ZNRF1: variants seen among roughly 807,000 people sequenced by gnomAD.
ZNRF1 encodes the protein zinc and ring finger 1, also known as E3 ubiquitin-protein ligase ZNRF1.
In ZNRF1, 3 loss-of-function variants were observed where a neutral mutation model predicts 18.4. That is an observed-to-expected ratio of 0.16 (90% CI 0.07 to 0.42). ZNRF1 has a LOEUF of 0.42. Ranked by LOEUF, ZNRF1 falls within the 10% of genes least tolerant of loss-of-function variation. The pLI, the probability that ZNRF1 is intolerant of heterozygous loss-of-function variation, is 0.99. For synonymous variants in ZNRF1, 157 were observed against 144.2 expected (o/e 1.09, Z -0.64); for missense variants, 310 against 329.8 (o/e 0.94, Z 0.47).
At chr16:75,050,883 AAAAAACAAAAAAAAAC>A (rs757560126) in intron 1 of ZNRF1, among the ~76,000 whole-genome samples, 3,145 of 109,270 alleles carry the variant, frequency 0.029, 419 homozygotes, top group Non-Finnish European at 0.042. Flanking sequence ...AAAAAAAAAA[AAAAAACAAAAAAAAAC>A]AAAAAACTTG....
At position 75,109,595 on chromosome 16, in the gene ZNRF1, G is replaced by C. The variant is rs1378556998; in HGVS notation, c.*1895G>C. The C allele has an allele frequency of 1.3e-5, 2 of 152,808 alleles. No individual in the cohort carries two copies. Among genetic ancestry groups the C allele is most frequent in the Non-Finnish European group, 2.9e-5 (2 of 68,234 alleles). 9.5% of individuals were successfully genotyped at this position (152,808 alleles called of 1,614,324 possible). The stretch of plus-strand genomic sequence containing the variant: ...GTTCAGAGCCTGGGTCTCAGCGCGG[G>C]ACCCGTCTGGGGTGAAGACCTTGGG... On this transcript the variant is annotated 3_prime_UTR_variant, in exon 5 of 5. Transcript: ENST00000335325.
chr16:75,039,860 C>T (rs1241930847), intron 1 of ZNRF1, among the ~76,000 whole-genome samples: 4 of 152,138 alleles, frequency 2.6e-5, no homozygotes, highest in African/African-American at 9.7e-5. Flanking sequence ...AAGATTTTCA[C>T]TGTATATAGG....
chr16:75,037,707 T>C (rs1157733501), intron 1 of ZNRF1, among the ~76,000 whole-genome samples: 2 of 152,128 alleles, frequency 1.3e-5, no homozygotes, highest in Non-Finnish European at 2.9e-5. Context: ...TTCTTCCATC[T>C]CCTTTAACAT....
rs1183493027 is a variant in ZNRF1 at position 75,108,822 on chromosome 16, G to C, written c.*1122G>C. On this transcript the variant is annotated 3_prime_UTR_variant, in exon 5 of 5. Transcript: ENST00000335325. ...TTAGCATTCCTTCAGGCTGCTACTCGGGGCTCCAGGTGTGTGAATTGGTCC... is the reference window on the plus strand; with the variant it reads ...TTAGCATTCCTTCAGGCTGCTACTCCGGGCTCCAGGTGTGTGAATTGGTCC... The C allele has an allele frequency of 2.9e-6, 1 of 345,118 alleles. No homozygotes were observed. The highest frequency in any genetic ancestry group is 5.1e-6 in the Non-Finnish European group (1 of 194,514). 21.4% of individuals were successfully genotyped at this position (345,118 alleles called of 1,614,324 possible). A position where few individuals can be genotyped will look rare whatever the true frequency, so the allele number is the denominator to read the frequency against.
At position 75,064,135 on chromosome 16, in the gene ZNRF1, C is replaced by A. The variant is rs370506346; in HGVS notation, c.425-29437C>A. ...GGAACATGGTGAAACCCCATCTCTA[C>A]CAAAAATACAAAAAAAACAGCCAGG... On this transcript the variant is annotated intron_variant, in intron 1 of 4. Coordinates refer to ENST00000335325, the MANE Select transcript of ZNRF1 (RefSeq NM_032268.5). Among the ~76,000 whole-genome samples the A allele has an allele frequency of 2.0e-5, 3 of 151,424 alleles. No individual in the cohort carries two copies. The East Asian group carries it at 5.8e-4, about 29-fold the overall frequency.
intron 1 of ZNRF1, among the ~76,000 whole-genome samples, chr16:75,042,749 A>T (rs1484328943): frequency 6.6e-6 from 1 of 151,986 alleles, no homozygotes; most frequent in African/African-American, 2.4e-5. Context: ...ACGTTTTAGG[A>T]TCAGCCTGTT....
intron 2 of ZNRF1, chr16:75,095,767 C>T (rs2036190406): frequency 6.7e-7 from 1 of 1,502,484 alleles, no homozygotes; most frequent in East Asian, 2.5e-5. Flanking sequence ...CTGTCCAGCT[C>T]CTCTGCCAGA....
At chr16:75,089,367 C>T (rs1442980757) in intron 1 of ZNRF1, among the ~76,000 whole-genome samples, 1 of 152,180 alleles carries the variant, frequency 6.6e-6, no homozygotes. Flanking sequence ...CCATGGCCTC[C>T]CACAATGCTG....
At chr16:75,106,407 G>C (rs1214698778) in intron 3 of ZNRF1, 75 bp from the exon 4 acceptor site, 2 of 1,508,548 alleles carry the variant, frequency 1.3e-6, no homozygotes, top group Non-Finnish European at 9.2e-7. Context: ...CAGGAATCTG[G>C]CCCTCTGAAA....
At chr16:75,092,820 C>T (rs2036155350) in intron 1 of ZNRF1, among the ~76,000 whole-genome samples, 2 of 152,128 alleles carry the variant, frequency 1.3e-5, no homozygotes, top group Non-Finnish European at 2.9e-5. Context: ...AGGCTGGGAG[C>T]TGGGTGAGGG....
intron 1 of ZNRF1, among the ~76,000 whole-genome samples, chr16:75,071,987 G>A (rs1042399621): frequency 1.3e-5 from 2 of 152,006 alleles, no homozygotes; most frequent in African/African-American, 4.8e-5. Context: ...CTTTCCAGCT[G>A]GAGTGCAGTG....
intron 1 of ZNRF1, among the ~76,000 whole-genome samples, chr16:75,031,155 A>T (rs1248988006): frequency 7.4e-6 from 1 of 135,556 alleles, no homozygotes; most frequent in African/African-American, 2.8e-5. Flanking sequence ...TTTTTTAGAC[A>T]GAGTCTTGCT....
At chr16:75,034,683 A>G (rs900598465) in intron 1 of ZNRF1, among the ~76,000 whole-genome samples, 1 of 152,186 alleles carries the variant, frequency 6.6e-6, no homozygotes, top group East Asian at 1.9e-4. Context: ...TCTGGAGTAC[A>G]GTGCATGATC....
chr16:75,041,317 T>G (rs2035444374), intron 1 of ZNRF1, among the ~76,000 whole-genome samples: 1 of 152,006 alleles, frequency 6.6e-6, no homozygotes. Flanking sequence ...ACATTGTGAT[T>G]TTAATTTATT....
chr16:75,051,236 C>G (rs191792952), intron 1 of ZNRF1, among the ~76,000 whole-genome samples: 1 of 152,070 alleles, frequency 6.6e-6, no homozygotes, highest in Admixed American at 6.6e-5. Flanking sequence ...GAGACGGAGT[C>G]TCACTCTGTC....
At chr16:75,063,926 A>G (rs950934322) in intron 1 of ZNRF1, among the ~76,000 whole-genome samples, 1 of 152,202 alleles carries the variant, frequency 6.6e-6, no homozygotes, top group African/African-American at 2.4e-5. Flanking sequence ...GTGTTGGAGA[A>G]TATGGAGCCA....
intron 2 of ZNRF1, among the ~76,000 whole-genome samples, chr16:75,095,418 C>T (rs73615822): frequency 2.6e-5 from 4 of 151,990 alleles, no homozygotes; most frequent in Non-Finnish European, 4.4e-5. Context: ...TGTCCCTGTT[C>T]GCCGTCTCCG....
At chr16:75,082,792 G>C (rs113218070) in intron 1 of ZNRF1, among the ~76,000 whole-genome samples, 2,810 of 152,298 alleles carry the variant, frequency 0.018, 78 homozygotes, top group African/African-American at 0.057. Context: ...GAGATCAAGT[G>C]ATCTACCTGC....
At chr16:75,092,248 ATTGAGTAGG>A (rs2036148579) in intron 1 of ZNRF1, among the ~76,000 whole-genome samples, 1 of 152,208 alleles carries the variant, frequency 6.6e-6, no homozygotes, top group African/African-American at 2.4e-5. Context: ...TCGTGTTCAC[ATTGAGTAGG>A]CTGAAGAGGA....
Sources: gnomAD v4.1 joint callset for allele counts (sites outside exome capture counted in the v4.1 genomes callset) on GRCh38, gnomAD v4.1.1 for gene constraint, MANE v1.5 for transcripts, NCBI Gene and HGNC (gene_info 2026-07-23, HGNC 2026-07-21) for gene names.